The following CDK14 variants were observed in gnomAD, a reference collection of about 807,000 sequenced individuals.
The protein encoded by CDK14 is cyclin dependent kinase 14.
CDK14 carries 34 observed loss-of-function variants against 60.7 expected under a neutral mutation model. The ratio of observed to expected loss-of-function variants is 0.56; its 90% CI spans 0.43 to 0.75. The LOEUF is 0.75. Among genes scored for constraint, CDK14 ranks in the 30% least tolerant of loss-of-function variants. The pLI, the probability that CDK14 is intolerant of heterozygous loss-of-function variation, is 0.00. For synonymous variants in CDK14, 197 were observed against 203.7 expected (o/e 0.97, Z 0.28); for missense variants, 482 against 564.1 (o/e 0.85, Z 1.47).
At chr7:91,077,461 G>A (rs183678438) in intron 11 of CDK14, among the ~76,000 whole-genome samples, 9 of 151,900 alleles carry the variant, frequency 5.9e-5, no homozygotes, top group Admixed American at 2.0e-4. Context: ...TGGACACAGC[G>A]AGGGAAATAT....
At chr7:90,750,856 G>C (rs1803812564) in intron 4 of CDK14, among the ~76,000 whole-genome samples, 1 of 151,544 alleles carries the variant, frequency 6.6e-6, no homozygotes, top group African/African-American at 2.4e-5. Flanking sequence ...CTGGGCAACA[G>C]AGCGAGACTG....
At chr7:91,175,155 AC>A (rs1801683767) in intron 14 of CDK14, among the ~76,000 whole-genome samples, 1 of 151,194 alleles carries the variant, frequency 6.6e-6, no homozygotes, top group Admixed American at 6.6e-5. Flanking sequence ...CCAATATTCA[AC>A]ATTCTTAAAG....
intron 14 of CDK14, among the ~76,000 whole-genome samples, chr7:91,169,597 C>A (rs1801450478): frequency 6.6e-6 from 1 of 152,172 alleles, no homozygotes; most frequent in African/African-American, 2.4e-5. Flanking sequence ...TGGTCTTGTT[C>A]ACACTTATTT....
rs58582287 is a variant in CDK14 at position 90,659,837 on chromosome 7, TTCTCTCTCTCTCTCTCTC to T, written c.123+55610_123+55627del. ...ATGGAATCCTGGAGCCAGGGAATGCTTCTCTCTCTCTCTCTCTCTCTCTCTCTCTCTCTCTCTCTGTGT... is the reference window on the plus strand; with the variant it reads ...ATGGAATCCTGGAGCCAGGGAATGCTTCTCTCTCTCTCTCTCTCTCTGTGT... On this transcript the variant is annotated intron_variant, in intron 2 of 14. Coordinates refer to ENST00000380050, the MANE Select transcript of CDK14 (RefSeq NM_001287135.2). 1.7e-3 allele frequency among the ~76,000 whole-genome samples: 185 copies of T among 110,504 alleles called. 3 individuals are homozygous for T. The highest frequency in any genetic ancestry group is 6.6e-3 in the African/African-American group (177 of 26,800). The allele number at this position is 110,504 out of a possible 152,430, so 72.5% of individuals were successfully genotyped here. A position where few individuals can be genotyped will look rare whatever the true frequency, so the allele number is the denominator to read the frequency against.
At chr7:90,814,956 A>G (rs961302387) in intron 5 of CDK14, among the ~76,000 whole-genome samples, 4 of 152,218 alleles carry the variant, frequency 2.6e-5, no homozygotes, top group Non-Finnish European at 5.9e-5. Flanking sequence ...TGCTTTGAGC[A>G]TCCTTCAAGG....
At chr7:91,197,958 C>T (rs751601985) in intron 14 of CDK14, among the ~76,000 whole-genome samples, 2 of 152,168 alleles carry the variant, frequency 1.3e-5, no homozygotes, top group Non-Finnish European at 2.9e-5. Context: ...ATCAGTTGTT[C>T]GTTGGCACTG....
intron 3 of CDK14, among the ~76,000 whole-genome samples, chr7:90,735,981 T>C (rs1803083874): frequency 6.6e-6 from 1 of 152,198 alleles, no homozygotes; most frequent in African/African-American, 2.4e-5. Context: ...TCTCCTGGTC[T>C]TCCGGTTGCA....
At chr7:90,748,766 T>C (rs1360135477) in intron 4 of CDK14, among the ~76,000 whole-genome samples, 2 of 152,162 alleles carry the variant, frequency 1.3e-5, no homozygotes, top group Admixed American at 6.5e-5. Flanking sequence ...TAAAAAACTC[T>C]TTTGCAGAAA....
At chr7:90,776,162 C>T (rs912274703) in intron 4 of CDK14, among the ~76,000 whole-genome samples, 1 of 152,140 alleles carries the variant, frequency 6.6e-6, no homozygotes, top group African/African-American at 2.4e-5. Flanking sequence ...GCTTTGCCTT[C>T]TTTTGATGTG....
intron 4 of CDK14, among the ~76,000 whole-genome samples, chr7:90,781,826 A>T (rs1194741079): frequency 6.6e-6 from 1 of 152,068 alleles, no homozygotes; most frequent in African/African-American, 2.4e-5. Context: ...GTAGCCTTGT[A>T]GTGTAGTTTG....
At chr7:91,191,967 C>A (rs958678051) in intron 14 of CDK14, among the ~76,000 whole-genome samples, 21 of 152,154 alleles carry the variant, frequency 1.4e-4, no homozygotes, top group Middle Eastern at 3.4e-3. Flanking sequence ...CTATGGCAAC[C>A]TTATTCTGAT....
intron 4 of CDK14, among the ~76,000 whole-genome samples, chr7:90,788,638 A>G (rs1050922865): frequency 5.3e-5 from 8 of 152,202 alleles, no homozygotes; most frequent in African/African-American, 1.9e-4. Context: ...AATCAGTTCA[A>G]TGAGAAATGC....
chr7:91,123,159 T>C (rs958144576), intron 14 of CDK14, among the ~76,000 whole-genome samples: 8 of 152,216 alleles, frequency 5.3e-5, no homozygotes, highest in Non-Finnish European at 1.0e-4. Flanking sequence ...CCTTTTAAGG[T>C]GTGTTGCATT....
chr7:90,656,527 G>A lies in CDK14; in HGVS notation c.123+52278G>A, dbSNP rs552125625. Among the ~76,000 whole-genome samples, 32 of 151,974 alleles carry A rather than the reference G, an allele frequency of 2.1e-4. 1 individual carries two copies. Among genetic ancestry groups the A allele is most frequent in the Admixed American group, 5.2e-4 (8 of 15,258 alleles). The stretch of plus-strand genomic sequence containing the variant: ...CCTGAGTAGCTGGGACTACAGGCAC[G>A]TGCCACCATGCCCGGCTAATTTTTT... On this transcript the variant is annotated intron_variant, in intron 2 of 14. Coordinates refer to ENST00000380050, the MANE Select transcript of CDK14 (RefSeq NM_001287135.2).
chr7:90,625,529 C>A (rs1181196150), intron 2 of CDK14, among the ~76,000 whole-genome samples: 1 of 152,144 alleles, frequency 6.6e-6, no homozygotes, highest in Non-Finnish European at 1.5e-5. Context: ...AATTATTGAT[C>A]TCTTATACCT....
chr7:91,133,225 C>G (rs1271332119), intron 14 of CDK14, among the ~76,000 whole-genome samples: 4 of 152,064 alleles, frequency 2.6e-5, no homozygotes, highest in Non-Finnish European at 4.4e-5. Flanking sequence ...TAAATTCATA[C>G]TCCTGTCTAT....
intron 2 of CDK14, among the ~76,000 whole-genome samples, chr7:90,693,232 G>T (rs1801591802): frequency 6.6e-6 from 1 of 152,048 alleles, no homozygotes; most frequent in African/African-American, 2.4e-5. Context: ...ATGTCTAAAG[G>T]TCATTTTTAA....
chr7:90,940,298 T>TAAA (rs1793879890), intron 8 of CDK14, among the ~76,000 whole-genome samples: 1 of 152,234 alleles, frequency 6.6e-6, no homozygotes. Context: ...CCCTGTTATT[T>TAAA]ATTTTGTCTT....
At chr7:90,866,491 A>G (rs1189061035) in intron 6 of CDK14, among the ~76,000 whole-genome samples, 4 of 152,168 alleles carry the variant, frequency 2.6e-5, no homozygotes, top group Non-Finnish European at 4.4e-5. Context: ...CATGCCCATT[A>G]AAACCCTGGA....
Sources: gnomAD v4.1 joint callset for allele counts (sites outside exome capture counted in the v4.1 genomes callset) on GRCh38, gnomAD v4.1.1 for gene constraint, MANE v1.5 for transcripts, NCBI Gene and HGNC (gene_info 2026-07-23, HGNC 2026-07-21) for gene names.